The following KDM2B variants were observed in gnomAD, a reference collection of about 807,000 sequenced individuals.
The protein encoded by KDM2B is lysine demethylase 2B.
In KDM2B, 26 loss-of-function variants were observed where a neutral mutation model predicts 150.0. That is an observed-to-expected ratio of 0.17 (90% CI 0.13 to 0.24). The LOEUF is 0.24. Among genes scored for constraint, KDM2B ranks in the 10% least tolerant of loss-of-function variants. The pLI, the probability that KDM2B is intolerant of heterozygous loss-of-function variation, is 1.00. For missense variants in KDM2B, 1,265 were observed against 1,816.9 expected (o/e 0.70, Z 5.52); for synonymous variants, 734 against 729.5 (o/e 1.01, Z -0.10).
At chr12:121,484,900 G>T (rs1401752261) in intron 12 of KDM2B, among the ~76,000 whole-genome samples, 2 of 152,076 alleles carry the variant, frequency 1.3e-5, no homozygotes, top group African/African-American at 4.8e-5. Flanking sequence ...AAGGGTTGGG[G>T]GCTGACTGTA....
At position 121,467,361 on chromosome 12, in the gene KDM2B, G is replaced by A; in HGVS notation, c.1735-14017C>T. 1.0e-6 allele frequency: 1 copy of A among 981,380 alleles called. No homozygotes were observed. The highest frequency in any genetic ancestry group is 1.2e-6 in the Non-Finnish European group (1 of 828,234). The allele number at this position is 981,380 out of a possible 1,614,324, so 60.8% of individuals were successfully genotyped here. On this transcript the variant is annotated intron_variant, in intron 12 of 22. Transcript: ENST00000377071. This position sits in a 1 kb window ranked among gnomAD's most constrained non-coding sequence, Gnocchi z 5.1. ...CCGCGAGGAGGGAGCCGCGCCGCGC[G>A]CCTCGCACGCCCGCGCTGGAGGGGG...
chr12:121,523,805 G>A (rs1452222418), intron 8 of KDM2B, among the ~76,000 whole-genome samples: 2 of 152,222 alleles, frequency 1.3e-5, no homozygotes, highest in African/African-American at 4.8e-5. Flanking sequence ...CTGGCTCCCC[G>A]GGTCTCTGGC....
chr12:121,421,248 T>C, the KDM2B span, among the ~76,000 whole-genome samples: 23 of 151,968 alleles, frequency 1.5e-4, no homozygotes, highest in Middle Eastern at 3.4e-3. Context: ...TAAGAACTTC[T>C]GAACTAGGCT....
chr12:121,439,159 C>G (rs551341012), intron 22 of KDM2B, among the ~76,000 whole-genome samples: 1 of 152,148 alleles, frequency 6.6e-6, no homozygotes, highest in African/African-American at 2.4e-5. Context: ...ATGTAAGCAA[C>G]GACAGCAAAG....
At chr12:121,495,263 C>A (rs1183257015) in intron 11 of KDM2B, among the ~76,000 whole-genome samples, 1 of 151,894 alleles carries the variant, frequency 6.6e-6, no homozygotes, top group South Asian at 2.1e-4. Flanking sequence ...TGGGTTCAAG[C>A]GATTTCCCTG....
At chr12:121,438,767 G>A (rs751185421) in intron 22 of KDM2B, among the ~76,000 whole-genome samples, 18 of 151,994 alleles carry the variant, frequency 1.2e-4, no homozygotes, top group East Asian at 1.9e-4. Context: ...TCACCACTGC[G>A]CTGTGTGAAA....
At chr12:121,493,111 T>G (rs1364770945) in intron 12 of KDM2B, among the ~76,000 whole-genome samples, 3 of 145,752 alleles carry the variant, frequency 2.1e-5, no homozygotes, top group Admixed American at 1.4e-4. Context: ...TCTCATTATG[T>G]TACCCAGGTT....
At chr12:121,411,486 G>C in the KDM2B span, among the ~76,000 whole-genome samples, 1 of 152,004 alleles carries the variant, frequency 6.6e-6, no homozygotes, top group Non-Finnish European at 1.5e-5. Context: ...TCATTAACAT[G>C]GTTTGAAAAA....
chr12:121,531,655 G>C (rs1887669248), intron 8 of KDM2B, among the ~76,000 whole-genome samples: 1 of 152,192 alleles, frequency 6.6e-6, no homozygotes, highest in African/African-American at 2.4e-5. Flanking sequence ...GCTGACTGCA[G>C]TTACCATATG....
intron 12 of KDM2B, among the ~76,000 whole-genome samples, chr12:121,479,517 C>T (rs1881837261): frequency 6.6e-6 from 1 of 151,662 alleles, no homozygotes; most frequent in Non-Finnish European, 1.5e-5. Flanking sequence ...GAGTGGTTCA[C>T]ATGTGTCCCA....
chr12:121,576,541 G>C (rs1338095284), intron 2 of KDM2B, among the ~76,000 whole-genome samples: 1 of 152,166 alleles, frequency 6.6e-6, no homozygotes, highest in Non-Finnish European at 1.5e-5. Context: ...GGGGAAGGCT[G>C]TGTAAAGGGG....
At chr12:121,438,389 G>T (rs1238448229) in intron 22 of KDM2B, among the ~76,000 whole-genome samples, 3 of 152,162 alleles carry the variant, frequency 2.0e-5, no homozygotes, top group African/African-American at 4.8e-5. Context: ...CCGCAGGGGA[G>T]GGAATTTATA....
In KDM2B at chr12:121,442,133, A is replaced by T; in HGVS notation, c.3284+24T>A. ...TGGTGCCGCCTGAGCCTTAACCTAG[A>T]GCCCTACACAGGCCGCCGCTCACCA... On this transcript the variant is annotated intron_variant, in intron 19 of 22. Coordinates refer to ENST00000377071, the MANE Select transcript of KDM2B (RefSeq NM_032590.5). The surrounding 1 kb of genome is among the most constrained non-coding windows in gnomAD (Gnocchi z 7.7). 6.2e-7 allele frequency: 1 copy of T among 1,605,572 alleles called. No individual in the cohort carries two copies. Among genetic ancestry groups the T allele is most frequent in the Non-Finnish European group, 8.5e-7 (1 of 1,173,088 alleles).
Position 121,521,750 on chromosome 12 carries a change from G to A in KDM2B, c.932-650C>T, listed in dbSNP as rs1555305980. On this transcript the variant is annotated intron_variant, in intron 8 of 22. Transcript: ENST00000377071. The surrounding 1 kb of genome is among the most constrained non-coding windows in gnomAD (Gnocchi z 4.9). ...CTCTCCTGCAGCTTCTCACAGCTGG[G>A]AGCCGCAGTTTTTCATCTCTCCAAA... Among the ~76,000 whole-genome samples, 3 of 152,094 alleles carry A rather than the reference G, an allele frequency of 2.0e-5. No individual in the cohort carries two copies. Among genetic ancestry groups the A allele is most frequent in the Admixed American group, 2.0e-4 (3 of 15,256 alleles).
At chr12:121,439,307 C>A (rs544817507) in intron 22 of KDM2B, among the ~76,000 whole-genome samples, 1 of 152,050 alleles carries the variant, frequency 6.6e-6, no homozygotes, top group Non-Finnish European at 1.5e-5. Context: ...GGTCAGGAAC[C>A]ACTGCTATGT....
At chr12:121,432,371 T>G (rs1873199239) in intron 22 of KDM2B, among the ~76,000 whole-genome samples, 2 of 152,238 alleles carry the variant, frequency 1.3e-5, no homozygotes, top group Admixed American at 1.3e-4. Flanking sequence ...TCATTTTAAG[T>G]ATAAAGAATA....
Position 121,537,914 on chromosome 12 carries a change from TCGGCGG to T in KDM2B, c.684-3330_684-3325del, listed in dbSNP as rs1211864504. Among the ~76,000 whole-genome samples, 42 of 150,280 alleles carry T rather than the reference TCGGCGG, an allele frequency of 2.8e-4. No homozygotes were observed. Among genetic ancestry groups the T allele is most frequent in the African/African-American group, 1.0e-3 (41 of 40,948 alleles). ...CGGGCAGCGCGGCCCGCGGTTACCC[TCGGCGG>T]CGGCGGCGGCGGCTCCCGTGCGTCC... On this transcript the variant is annotated intron_variant, in intron 6 of 22. Coordinates refer to ENST00000377071, the MANE Select transcript of KDM2B (RefSeq NM_032590.5). The surrounding 1 kb of genome is among the most constrained non-coding windows in gnomAD (Gnocchi z 8.7).
intron 4 of KDM2B, among the ~76,000 whole-genome samples, chr12:121,565,474 C>A (rs372700152): frequency 2.0e-5 from 3 of 152,140 alleles, no homozygotes; most frequent in Admixed American, 6.5e-5. Context: ...TGTGCCACCA[C>A]GCCCAGCTAA....
At position 121,443,777 on chromosome 12, in the gene KDM2B, G is replaced by C. The variant is rs782020493; in HGVS notation, c.2468C>G (p.Thr823Arg). 2 of 1,603,114 alleles carry C rather than the reference G, an allele frequency of 1.2e-6. No individual in the cohort carries two copies. The highest frequency in any genetic ancestry group is 4.5e-5 in the East Asian group (2 of 44,870). Residue 823 changes from threonine to arginine, a missense_variant, in exon 17 of 23, where the codon ACG becomes AGG. Physicochemically the swap from Thr to Arg is moderately conservative, Grantham distance 71. Coordinates refer to ENST00000377071, the MANE Select transcript of KDM2B (RefSeq NM_032590.5). Reference protein sequence around the residue: ...SGRKRASSLQTSPGSSSHLSP... With the variant: ...SGRKRASSLQRSPGSSSHLSP... ...GAGGTGAGAGGAGGAACCGGGGGACGTTTGAAGCGATGAGGCCTAAAGGGG... is the reference window on the plus strand; with the variant it reads ...GAGGTGAGAGGAGGAACCGGGGGACCTTTGAAGCGATGAGGCCTAAAGGGG...
Sources: allele counts gnomAD v4.1 joint callset (sites outside exome capture counted in the v4.1 genomes callset), GRCh38; gene constraint gnomAD v4.1.1; non-coding constraint Gnocchi (gnomAD v3.1); transcripts MANE v1.5; gene names NCBI Gene and HGNC (gene_info 2026-07-23, HGNC 2026-07-21).